DPY19L1: variants seen among roughly 807,000 people sequenced by gnomAD.
DPY19L1 encodes the protein dpy-19 like C-mannosyltransferase 1.
A neutral mutation model predicts 96.9 loss-of-function variants in DPY19L1; 35 were observed. The ratio of observed to expected loss-of-function variants is 0.36; its 90% CI spans 0.28 to 0.48. The LOEUF is 0.48. DPY19L1 is among the 20% of genes least tolerant of loss of function. The pLI, the probability that DPY19L1 is intolerant of heterozygous loss-of-function variation, is 0.99. For missense variants in DPY19L1, 521 were observed against 777.9 expected, an observed-to-expected ratio of 0.67 and a Z score of 3.93; for synonymous variants, 205 against 252.6, an observed-to-expected ratio of 0.81 and a Z score of 1.79.
chr7:34,929,162 C>T lies in DPY19L1; in HGVS notation c.*2411G>A, dbSNP rs1428852810. 9 of 152,222 alleles carry T rather than the reference C, an allele frequency of 5.9e-5. No homozygotes were observed. Among genetic ancestry groups the T allele is most frequent in the South Asian group, 2.1e-4 (1 of 4,834 alleles). 9.4% of individuals were successfully genotyped at this position (152,222 alleles called of 1,614,324 possible). On this transcript the variant is annotated 3_prime_UTR_variant, in exon 22 of 22. Transcript: ENST00000638088. ...TTTGCCCATCCTTACTTTCCTCATA[C>T]TAAAGCAAAAATATTTGTAAATGCT...
intron 16 of DPY19L1, among the ~76,000 whole-genome samples, chr7:34,944,517 C>G (rs1784099758): frequency 6.6e-6 from 1 of 152,058 alleles, no homozygotes; most frequent in African/African-American, 2.4e-5. Context: ...TTAATAATTA[C>G]AGGATTTATC....
chr7:34,957,713 G>A (rs2128786702), intron 11 of DPY19L1, among the ~76,000 whole-genome samples: 1 of 152,158 alleles, frequency 6.6e-6, no homozygotes, highest in African/African-American at 2.4e-5. Context: ...AGAGGAAAGG[G>A]GTTCAAAAAG....
At chr7:34,967,292 A>G (rs1266854581) in intron 9 of DPY19L1, among the ~76,000 whole-genome samples, 1 of 152,220 alleles carries the variant, frequency 6.6e-6, no homozygotes, top group Non-Finnish European at 1.5e-5. Context: ...TCCAATCAAA[A>G]AAGATGAAAA....
Position 34,988,613 on chromosome 7 carries a change from G to C in DPY19L1, c.822+1271C>G, listed in dbSNP as rs1462161921. Among the ~76,000 whole-genome samples the C allele has an allele frequency of 2.0e-5, 3 of 152,040 alleles. No homozygotes were observed. The South Asian group carries it at 6.2e-4, about 31-fold the overall frequency. Reference sequence around the variant, plus strand: ...TTGACTCTGCATTATGTTTGGAGATGATTACTGTTATAGCACATGTTAAAA... The same window carrying C: ...TTGACTCTGCATTATGTTTGGAGATCATTACTGTTATAGCACATGTTAAAA... On this transcript the variant is annotated intron_variant, in intron 7 of 21. Transcript: ENST00000638088.
In DPY19L1 at chr7:35,026,078, A is replaced by AT. The variant is rs887926412; in HGVS notation, c.299-7483dup. On this transcript the variant is annotated intron_variant, in intron 1 of 21. Transcript: ENST00000638088. ...AGGGCCCCTAAATCTGAACTCCAGG[A>AT]TTTTTTTTTTATATATTCATAAGTG... is the stretch of plus-strand genomic sequence containing the variant. Among the ~76,000 whole-genome samples the AT allele has an allele frequency of 5.9e-3, 893 of 150,412 alleles. 10 individuals are homozygous for AT. The highest frequency in any genetic ancestry group is 0.02 in the African/African-American group (825 of 41,058).
intron 1 of DPY19L1, among the ~76,000 whole-genome samples, chr7:35,026,263 T>TG (rs913187615): frequency 1.2e-4 from 19 of 152,202 alleles, no homozygotes; most frequent in African/African-American, 4.3e-4. Context: ...TAGCTGGAAA[T>TG]GCAGAGTCTC....
At chr7:35,034,938 G>A (rs1192103624) in intron 1 of DPY19L1, among the ~76,000 whole-genome samples, 2 of 152,156 alleles carry the variant, frequency 1.3e-5, no homozygotes, top group Non-Finnish European at 2.9e-5. Context: ...TGGGAGGGGG[G>A]AAGAAAACAG....
Position 35,002,435 on chromosome 7 carries a change from A to G in DPY19L1, c.764+8033T>C, listed in dbSNP as rs565881455. ...AGCCAAAGAGCTTAAAAATGGGGGG[A>G]AAAAAAAGAAAATTAGAGGACTGGA... On this transcript the variant is annotated intron_variant, in intron 6 of 21. Transcript: ENST00000638088. 1.5e-4 allele frequency among the ~76,000 whole-genome samples: 23 copies of G among 150,788 alleles called. No individual in the cohort carries two copies. In the Middle Eastern group the frequency reaches 0.01, roughly 67 times the overall value.
At chr7:34,938,837 C>T (rs1196535921) in intron 20 of DPY19L1, among the ~76,000 whole-genome samples, 1 of 152,180 alleles carries the variant, frequency 6.6e-6, no homozygotes, top group Non-Finnish European at 1.5e-5. Context: ...ATCATTCTAA[C>T]AGGCTATACT....
At chr7:34,967,564 T>C (rs1217477354) in intron 9 of DPY19L1, among the ~76,000 whole-genome samples, 1 of 152,222 alleles carries the variant, frequency 6.6e-6, no homozygotes, top group African/African-American at 2.4e-5. Context: ...TTGTATGTTA[T>C]ATATCAATAA....
At chr7:35,027,002 C>T (rs1786135879) in intron 1 of DPY19L1, among the ~76,000 whole-genome samples, 2 of 152,182 alleles carry the variant, frequency 1.3e-5, no homozygotes, top group South Asian at 4.2e-4. Context: ...TCAAGACAGC[C>T]TGGCCAACAT....
chr7:34,937,842 G>C, intron 21 of DPY19L1, 152 bp downstream of exon 21: 1 of 724,782 alleles, frequency 1.4e-6, no homozygotes, highest in Admixed American at 3.1e-5. Context: ...CTGGGCAACA[G>C]AGTGAGAGCC....
intron 10 of DPY19L1, among the ~76,000 whole-genome samples, chr7:34,960,305 T>C (rs1197081170): frequency 2.0e-5 from 3 of 152,162 alleles, no homozygotes; most frequent in Admixed American, 1.3e-4. Context: ...AAGCAATACA[T>C]GTTCCTTCCA....
rs200098469 is a variant in DPY19L1, at chr7:34,938,073, C to T, written c.2011G>A (p.Glu671Lys). 19 of 1,613,900 alleles carry T rather than the reference C, an allele frequency of 1.2e-5. No homozygotes were observed. The highest frequency in any genetic ancestry group is 3.3e-4 in the Middle Eastern group (2 of 6,060). The change falls in exon 21 of 22, where the codon GAA (glutamate) becomes AAA (lysine). Residue 671 changes from glutamate (E) to lysine (K), a missense_variant. Coordinates refer to ENST00000638088, the MANE Select transcript of DPY19L1 (RefSeq NM_001366673.1). ...TTTATCAGTTCTCGCTTCACTTCTTCGGCTGCTTTCCGACTATACATTGAG... is the reference window on the plus strand; with the variant it reads ...TTTATCAGTTCTCGCTTCACTTCTTTGGCTGCTTTCCGACTATACATTGAG... ...VYSMYSRKAA[E>K]EVKRELIKLK...
At chr7:34,990,754 C>T (rs916559863) in intron 6 of DPY19L1, among the ~76,000 whole-genome samples, 5 of 152,134 alleles carry the variant, frequency 3.3e-5, no homozygotes, top group Admixed American at 2.6e-4. Flanking sequence ...TGCATTTTTA[C>T]TCTTGAGGTC....
chr7:35,013,476 T>A, intron 4 of DPY19L1, 92 bp downstream of exon 4: 1 of 927,550 alleles, frequency 1.1e-6, no homozygotes, highest in Non-Finnish European at 1.6e-6. Flanking sequence ...TACAATTTAA[T>A]ATATTGAATT....
At chr7:34,953,690 A>G (rs2128785516) in intron 13 of DPY19L1, among the ~76,000 whole-genome samples, 1 of 143,490 alleles carries the variant, frequency 7.0e-6, no homozygotes, top group South Asian at 2.2e-4. Context: ...TTCCACTGTC[A>G]GGCACACAGG....
intron 7 of DPY19L1, among the ~76,000 whole-genome samples, chr7:34,975,427 G>A (rs1314772533): frequency 1.3e-5 from 2 of 152,208 alleles, no homozygotes; most frequent in Non-Finnish European, 2.9e-5. Context: ...GAGAGGTGAG[G>A]AAGCTGCAGA....
rs1783730090 is a variant in DPY19L1, at chr7:34,930,486, CA to C, written c.*1086del. Reference sequence around the variant, plus strand: ...AAGGCTTTGTCTTATTAAAGACAGGCAATCTTAAAAGTAAAATATAAAAACT... The same window carrying C: ...AAGGCTTTGTCTTATTAAAGACAGGCATCTTAAAAGTAAAATATAAAAACT... On this transcript the variant is annotated 3_prime_UTR_variant, in exon 22 of 22. Coordinates refer to ENST00000638088, the MANE Select transcript of DPY19L1 (RefSeq NM_001366673.1). 1 of 152,018 alleles carries C rather than the reference CA, an allele frequency of 6.6e-6. No individual in the cohort carries two copies. The highest frequency in any genetic ancestry group is 2.4e-5 in the African/African-American group (1 of 41,398). The allele number at this position is 152,018 out of a possible 1,614,324, so 9.4% of individuals were successfully genotyped here.
Sources: allele counts gnomAD v4.1 joint callset (sites outside exome capture counted in the v4.1 genomes callset), GRCh38; gene constraint gnomAD v4.1.1; transcripts MANE v1.5; gene names NCBI Gene and HGNC (gene_info 2026-07-23, HGNC 2026-07-21).